Variants in ASH2L observed in about 807,000 individuals in gnomAD.
ASH2L encodes ASH2 like, histone lysine methyltransferase complex subunit.
In ASH2L, 30 loss-of-function variants were observed where a neutral mutation model predicts 81.1. That is an observed-to-expected ratio of 0.37 (90% CI 0.28 to 0.50). The LOEUF (loss-of-function observed/expected upper bound fraction) is 0.50. Among genes scored for constraint, ASH2L ranks in the 20% least tolerant of loss-of-function variants. ASH2L has a pLI of 0.95. For missense variants in ASH2L, 559 were observed against 792.1 expected, an observed-to-expected ratio of 0.71 and a Z score of 3.53; for synonymous variants, 273 against 279.9, an observed-to-expected ratio of 0.98 and a Z score of 0.24.
intron 5 of ASH2L, among the ~76,000 whole-genome samples, chr8:38,113,107 T>C (rs1291350798): frequency 1.3e-5 from 2 of 152,184 alleles, no homozygotes; most frequent in East Asian, 1.9e-4. Flanking sequence ...TAGCTGGGAC[T>C]ACTGGCGCAT....
intron 10 of ASH2L, 135 bp downstream of exon 10, chr8:38,121,284 A>G: frequency 1.8e-6 from 1 of 558,884 alleles, no homozygotes. Flanking sequence ...AGATTCATCC[A>G]GAATGTGCAA....
chr8:38,111,821 C>A (rs2130485587), intron 5 of ASH2L, among the ~76,000 whole-genome samples: 1 of 152,220 alleles, frequency 6.6e-6, no homozygotes, highest in African/African-American at 2.4e-5. Context: ...AACCACAGTG[C>A]CATAATCATA....
chr8:38,130,779 A>G (rs1014069714), intron 12 of ASH2L, among the ~76,000 whole-genome samples: 2 of 151,814 alleles, frequency 1.3e-5, no homozygotes, highest in Non-Finnish European at 2.9e-5. Flanking sequence ...TTGTATTTTT[A>G]GTGGAGACAG....
chr8:38,132,997 G>GAATC (rs924826777), intron 12 of ASH2L, among the ~76,000 whole-genome samples: 24 of 151,986 alleles, frequency 1.6e-4, no homozygotes, highest in Non-Finnish European at 3.1e-4. Context: ...TGAGGCAGGA[G>GAATC]AATCGCTTGA....
rs1585557628 is a variant in ASH2L, at chr8:38,105,567, C to G, written c.17C>G (p.Ala6Gly). MAAAG[A>G]GPGQEAGAGP... ...GTGGCCGTGATGGCGGCGGCAGGAG[C>G]AGGACCTGGCCAGGAAGCGGGTGCC... The change falls in exon 1 of 16, where the codon GCA (alanine) becomes GGA (glycine). Residue 6 changes from alanine to glycine, a missense_variant. Transcript: ENST00000343823. The G allele has an allele frequency of 4.4e-6, 7 of 1,576,744 alleles. No homozygotes were observed. The highest frequency in any genetic ancestry group is 1.1e-5 in the South Asian group (1 of 87,888).
In ASH2L at chr8:38,139,249, A is replaced by C. The variant is rs1021926474; in HGVS notation, c.*178A>C. ...GCCTGCCTTTCACCATTTTCTCCCC[A>C]CTTCCAGTGACTGCTCTTATTTTGT... On this transcript the variant is annotated 3_prime_UTR_variant, in exon 16 of 16. Transcript: ENST00000343823. The C allele has an allele frequency of 1.8e-6, 1 of 554,190 alleles. No homozygotes were observed. Among genetic ancestry groups the C allele is most frequent in the Non-Finnish European group, 3.2e-6 (1 of 313,262 alleles). 34.3% of individuals were successfully genotyped at this position (554,190 alleles called of 1,614,324 possible).
At chr8:38,128,597 A>G (rs564480304) in intron 11 of ASH2L, 139 bp downstream of exon 11, 103 of 1,416,070 alleles carry the variant, frequency 7.3e-5, no homozygotes, top group East Asian at 2.1e-4. Context: ...CTGGTTTGCT[A>G]TTCCCGGGAT....
chr8:38,107,806 AC>A (rs1246715943), intron 3 of ASH2L, among the ~76,000 whole-genome samples: 6 of 152,120 alleles, frequency 3.9e-5, no homozygotes, highest in African/African-American at 1.4e-4. Context: ...GACTATCTAA[AC>A]ATAAGGCTGC....
Position 38,138,873 on chromosome 8 carries a change from C to T in ASH2L, c.1777C>T (p.Pro593Ser), listed in dbSNP as rs924755733. Residue 593 changes from proline to serine, a missense_variant and splice_region_variant, in exon 15 of 16, where the codon CCT becomes TCT. By Grantham distance (74) the Pro-to-Ser change is moderately conservative (BLOSUM62 -1). Around this residue, in one of 4 missense-constraint regions of ASH2L, gnomAD observed 95 missense variants for 130.7 expected, o/e 0.73. Transcript: ENST00000343823. ...KYPPKDLTYR[P>S]MSDMGWGAVV... ...TCCTCCGAAGGATCTCACTTACCGC[C>T]CTGTGAGTAACATTACAAATGGCTG... The T allele has an allele frequency of 3.1e-6, 5 of 1,613,960 alleles. No individual in the cohort carries two copies. Among genetic ancestry groups the T allele is most frequent in the Non-Finnish European group, 4.2e-6 (5 of 1,179,978 alleles).
chr8:38,137,389 CAAAAAAAAA>C (rs71216651), intron 14 of ASH2L: 6 of 124,206 alleles, frequency 4.8e-5, no homozygotes, highest in South Asian at 5.1e-4. Context: ...TCTAAAAATA[CAAAAAAAAA>C]AAAAAAAGAA....
chr8:38,129,088 G>C lies in ASH2L; in HGVS notation c.1527+137G>C, dbSNP rs543923813. 22 of 1,307,132 alleles carry C rather than the reference G, an allele frequency of 1.7e-5. No homozygotes were observed. In the East Asian group the frequency reaches 4.1e-4, roughly 24 times the overall value. The allele number at this position is 1,307,132 out of a possible 1,614,324, so 81.0% of individuals were successfully genotyped here. A position where few individuals can be genotyped will look rare whatever the true frequency, so the allele number is the denominator to read the frequency against. ...CTAACCTGTTGCTATGACATTTTCA[G>C]AATAACAGTAACAATCGGTGCACAA... On this transcript the variant is annotated intron_variant, in intron 12 of 15. Coordinates refer to ENST00000343823, the MANE Select transcript of ASH2L (RefSeq NM_004674.5).
intron 13 of ASH2L, among the ~76,000 whole-genome samples, chr8:38,135,302 AG>A (rs1340747150): frequency 6.6e-6 from 1 of 152,120 alleles, no homozygotes; most frequent in African/African-American, 2.4e-5. Flanking sequence ...TTTAAAAATT[AG>A]CTGGATATGG....
chr8:38,105,527 G>A (rs1810376983), upstream of ASH2L: 1 of 1,529,782 alleles, frequency 6.5e-7, no homozygotes. Context: ...GAGTATTCTC[G>A]CGAGAAGTCC....
Position 38,105,686 on chromosome 8 carries a change from G to A in ASH2L, c.136G>A (p.Gly46Arg), listed in dbSNP as rs1810388741. The change falls in exon 1 of 16, where the codon GGG (glycine) becomes AGG (arginine). Residue 46 changes from glycine (G) to arginine (R), a missense_variant. This residue lies in a region of ASH2L where 145 missense variants were observed against 115.5 expected (regional missense o/e 1.26). Transcript: ENST00000343823. ...AAGAAAPPGEGISAAPTVEPS... is the reference protein window; with the variant it reads ...AAGAAAPPGERISAAPTVEPS... ...GGGAGCAGCCGCTCCTCCTGGAGAG[G>A]GGATCTCTGCTGCTCCGACAGTTGA... The A allele has an allele frequency of 2.2e-5, 35 of 1,583,736 alleles. No homozygotes were observed. Among genetic ancestry groups the A allele is most frequent in the Non-Finnish European group, 2.8e-5 (33 of 1,166,442 alleles).
intron 14 of ASH2L, chr8:38,137,389 CAAAAAAAAAAA>C (rs71216651): frequency 1.6e-5 from 2 of 124,228 alleles, no homozygotes; most frequent in Admixed American, 8.7e-5. Flanking sequence ...TCTAAAAATA[CAAAAAAAAAAA>C]AAAAAGAAAA....
rs150792250 is a variant in ASH2L, at chr8:38,133,825, C to G, written c.1620+279C>G. Among the ~76,000 whole-genome samples the G allele has an allele frequency of 9.8e-3, 1,484 of 152,048 alleles. 36 individuals are homozygous for G. Among genetic ancestry groups the G allele is most frequent in the African/African-American group, 0.033 (1,373 of 41,456 alleles). On this transcript the variant is annotated intron_variant, in intron 13 of 15. Transcript: ENST00000343823. ...TGCACCACCCCATCTGGGAGGTGTA[C>G]CCAACAGCTCATTGAGAACGGGCCA...
intron 1 of ASH2L, chr8:38,106,099 T>C: frequency 1.3e-6 from 2 of 1,525,176 alleles, no homozygotes; most frequent in Non-Finnish European, 8.8e-7. Context: ...GTGGGAGAGC[T>C]GCCTCTCTTT....
intron 12 of ASH2L, among the ~76,000 whole-genome samples, chr8:38,130,734 G>A (rs1274071776): frequency 2.0e-5 from 3 of 152,058 alleles, no homozygotes; most frequent in Non-Finnish European, 4.4e-5. Flanking sequence ...GATTAGCTGG[G>A]ATTACAGGCA....
At chr8:38,112,960 T>C (rs1042617188) in intron 5 of ASH2L, among the ~76,000 whole-genome samples, 2 of 152,018 alleles carry the variant, frequency 1.3e-5, no homozygotes, top group African/African-American at 4.8e-5. Context: ...TAGTCCATTG[T>C]TGGAATTTTT....
Sources: gnomAD v4.1 joint callset for allele counts (sites outside exome capture counted in the v4.1 genomes callset) on GRCh38, gnomAD v4.1.1 for gene constraint, gnomAD v4.1.1 regional missense constraint, MANE v1.5 for transcripts, NCBI Gene and HGNC (gene_info 2026-07-23, HGNC 2026-07-21) for gene names.